Variants in BCL2 observed in about 807,000 individuals in gnomAD.
BCL2 encodes BCL2 apoptosis regulator.
Under a neutral mutation model 14.2 loss-of-function variants are expected in BCL2, and 1 was observed. The observed-to-expected ratio is 0.07, with a 90% confidence interval of 0.02 to 0.33. BCL2 has a LOEUF of 0.33. Among genes scored for constraint, BCL2 ranks in the 10% least tolerant of loss-of-function variants. The pLI is 0.99. For missense variants in BCL2, 247 were observed against 305.9 expected, an observed-to-expected ratio of 0.81 and a Z score of 1.44; for synonymous variants, 151 against 137.2, an observed-to-expected ratio of 1.10 and a Z score of -0.70.
intron 2 of BCL2, among the ~76,000 whole-genome samples, chr18:63,259,136 T>C (rs1014340065): frequency 3.9e-5 from 6 of 152,172 alleles, no homozygotes; most frequent in Admixed American, 3.3e-4. Context: ...AGAAGTCCCA[T>C]GCCCTTTGCT....
chr18:63,246,352 C>T (rs1446745880), intron 2 of BCL2, among the ~76,000 whole-genome samples: 2 of 152,154 alleles, frequency 1.3e-5, no homozygotes, highest in African/African-American at 4.8e-5. Context: ...ACTAGCCTTC[C>T]CCCTGTATTA....
chr18:63,240,476 A>G (rs566749335), intron 2 of BCL2, among the ~76,000 whole-genome samples: 1 of 152,352 alleles, frequency 6.6e-6, no homozygotes, highest in African/African-American at 2.4e-5. Flanking sequence ...TATAAATATG[A>G]TCATCCCCAT....
chr18:63,317,948 C>A, intron 2 of BCL2, 134 bp downstream of exon 2: 1 of 1,474,652 alleles, frequency 6.8e-7, no homozygotes. Flanking sequence ...GGTAGGGACG[C>A]CGGGAAGCAA....
At chr18:63,243,395 G>C (rs192660605) in intron 2 of BCL2, among the ~76,000 whole-genome samples, 76 of 152,166 alleles carry the variant, frequency 5.0e-4, no homozygotes, top group African/African-American at 1.7e-3. Flanking sequence ...AGAGGATCAG[G>C]AAAAATAACT....
chr18:63,252,660 T>G (rs1012678554), intron 2 of BCL2, among the ~76,000 whole-genome samples: 1 of 152,236 alleles, frequency 6.6e-6, no homozygotes, highest in South Asian at 2.1e-4. Flanking sequence ...CCTCTCCTCT[T>G]GTCTGCCACG....
intron 2 of BCL2, among the ~76,000 whole-genome samples, chr18:63,182,248 G>C (rs1229888365): frequency 6.6e-6 from 1 of 152,176 alleles, no homozygotes; most frequent in African/African-American, 2.4e-5. Flanking sequence ...AGCCAAGGTT[G>C]GAAGCTGTTC....
In BCL2 at chr18:63,185,605, C is replaced by T. The variant is rs192415288; in HGVS notation, c.586-56846G>A. On this transcript the variant is annotated intron_variant, in intron 2 of 2. Transcript: ENST00000333681. ...GAAACCAAAGGTCAAGGTTAAGTAA[C>T]CTATCTAAAGTCATTCTGCTGATCT... is the stretch of plus-strand genomic sequence containing the variant. Among the ~76,000 whole-genome samples the T allele has an allele frequency of 1.2e-4, 18 of 152,328 alleles. 1 individual carries two copies. In the East Asian group the frequency reaches 3.5e-3, roughly 29 times the overall value.
chr18:63,244,103 G>A (rs796658053), intron 2 of BCL2, among the ~76,000 whole-genome samples: 37 of 152,214 alleles, frequency 2.4e-4, no homozygotes, highest in African/African-American at 4.6e-4. Flanking sequence ...AATTAGGCCC[G>A]GCACAGTGGC....
At chr18:63,226,614 G>GA (rs1456871943) in intron 2 of BCL2, among the ~76,000 whole-genome samples, 1 of 152,028 alleles carries the variant, frequency 6.6e-6, no homozygotes, top group African/African-American at 2.4e-5. Context: ...AACAAGTTGT[G>GA]AAAAAATACA....
chr18:63,155,542 GCGGTA>G (rs1233016977), intron 2 of BCL2, among the ~76,000 whole-genome samples: 3 of 146,842 alleles, frequency 2.0e-5, no homozygotes, highest in African/African-American at 8.3e-5. Flanking sequence ...CAGGGTGGGC[GCGGTA>G]AAGAGACTGC....
At chr18:63,212,303 G>A (rs1910045649) in intron 2 of BCL2, among the ~76,000 whole-genome samples, 1 of 151,610 alleles carries the variant, frequency 6.6e-6, no homozygotes, top group South Asian at 2.1e-4. Flanking sequence ...ACTCCAGCCT[G>A]GGCGACAGAG....
Position 63,304,365 on chromosome 18 carries a change from C to T in BCL2, c.585+13717G>A, listed in dbSNP as rs114209338. Reference sequence around the variant, plus strand: ...TGCAGTAACATGCCCTTTACTACTGCGGAAACCCTACTGATGAAGGCTCCA... The same window carrying T: ...TGCAGTAACATGCCCTTTACTACTGTGGAAACCCTACTGATGAAGGCTCCA... On this transcript the variant is annotated intron_variant, in intron 2 of 2. Transcript: ENST00000333681. Among the ~76,000 whole-genome samples the T allele has an allele frequency of 3.8e-3, 579 of 152,210 alleles. 3 individuals carry two copies. Among genetic ancestry groups the T allele is most frequent in the African/African-American group, 0.013 (554 of 41,516 alleles).
At chr18:63,188,999 G>GT (rs36046351) in intron 2 of BCL2, among the ~76,000 whole-genome samples, 76,344 of 139,764 alleles carry the variant, frequency 0.55, 21,105 homozygotes, top group East Asian at 0.63. Context: ...TTTTCCCCAA[G>GT]TTTTTTTTTT....
intron 2 of BCL2, among the ~76,000 whole-genome samples, chr18:63,159,191 T>G (rs1182151584): frequency 1.3e-5 from 2 of 152,074 alleles, no homozygotes; most frequent in Non-Finnish European, 2.9e-5. Flanking sequence ...GACTGACTAG[T>G]GAGAAAAAGC....
intron 2 of BCL2, among the ~76,000 whole-genome samples, chr18:63,238,333 T>C (rs900243822): frequency 6.6e-6 from 1 of 152,220 alleles, no homozygotes; most frequent in Non-Finnish European, 1.5e-5. Flanking sequence ...ATGCTTTAAA[T>C]GGGACCGAAT....
chr18:63,192,254 G>A (rs939315884), intron 2 of BCL2, among the ~76,000 whole-genome samples: 3 of 152,208 alleles, frequency 2.0e-5, no homozygotes, highest in African/African-American at 7.2e-5. Context: ...AAAGTTAGGG[G>A]CAGTACAATG....
intron 2 of BCL2, among the ~76,000 whole-genome samples, chr18:63,199,380 ACATGCATAGACACACACAACACACACAGC>A (rs1909619083): frequency 1.3e-5 from 2 of 151,524 alleles, no homozygotes; most frequent in African/African-American, 4.9e-5. Context: ...ACACACACAG[ACATGCATAGACACACACAACACACACAGC>A]CATAAACATA....
intron 2 of BCL2, among the ~76,000 whole-genome samples, chr18:63,257,836 A>T (rs1911526667): frequency 6.6e-6 from 1 of 152,230 alleles, no homozygotes. Context: ...GAGAGGGAAG[A>T]GGTCTGAGAG....
intron 2 of BCL2, among the ~76,000 whole-genome samples, chr18:63,289,718 A>AC (rs925356992): frequency 6.6e-6 from 1 of 151,498 alleles, no homozygotes; most frequent in Non-Finnish European, 1.5e-5. Context: ...ACATGGTGAA[A>AC]CCCCGCCTCT....
Sources: allele counts gnomAD v4.1 joint callset (sites outside exome capture counted in the v4.1 genomes callset), GRCh38; gene constraint gnomAD v4.1.1; transcripts MANE v1.5; gene names NCBI Gene and HGNC (gene_info 2026-07-23, HGNC 2026-07-21).